The following SLC8A1 variants were observed in gnomAD, a reference collection of about 807,000 sequenced individuals.
SLC8A1 encodes solute carrier family 8 member A1.
In SLC8A1, 18 loss-of-function variants were observed where a neutral mutation model predicts 68.3. The observed-to-expected ratio is 0.26, with a 90% CI of 0.18 to 0.39. The LOEUF (loss-of-function observed/expected upper bound fraction) is 0.39. Ranked by LOEUF, SLC8A1 falls within the 10% of genes least tolerant of loss-of-function variation. The pLI is 1.00. For missense variants in SLC8A1, 985 were observed against 1,156.7 expected (o/e 0.85, Z 2.15); for synonymous variants, 475 against 415.5 (o/e 1.14, Z -1.74).
At chr2:40,312,665 T>C (rs2073885696) in intron 2 of SLC8A1, among the ~76,000 whole-genome samples, 1 of 152,068 alleles carries the variant, frequency 6.6e-6, no homozygotes, top group Non-Finnish European at 1.5e-5. Flanking sequence ...GTCACATACA[T>C]TGGAAAATAC....
intron 1 of SLC8A1, among the ~76,000 whole-genome samples, chr2:40,436,056 C>T (rs372420307): frequency 2.6e-5 from 4 of 152,032 alleles, no homozygotes; most frequent in South Asian, 4.2e-4. Context: ...AGGCATGAAC[C>T]ACCACGTCTG....
chr2:40,340,502 A>T (rs961908717), intron 2 of SLC8A1, among the ~76,000 whole-genome samples: 1 of 152,164 alleles, frequency 6.6e-6, no homozygotes, highest in African/African-American at 2.4e-5. Flanking sequence ...TGGAGCTTGC[A>T]GTGAGCTGAG....
chr2:40,508,018 G>T (rs1421977689), intron 1 of SLC8A1, among the ~76,000 whole-genome samples: 2 of 152,056 alleles, frequency 1.3e-5, no homozygotes, highest in Non-Finnish European at 2.9e-5. Flanking sequence ...TGTTAGAATT[G>T]TGTTTCTTTG....
intron 2 of SLC8A1, among the ~76,000 whole-genome samples, chr2:40,325,804 A>T (rs994755631): frequency 4.9e-4 from 69 of 140,818 alleles, no homozygotes; most frequent in African/African-American, 1.7e-3. Flanking sequence ...AAAAAAAAAA[A>T]GTAGCTGAGC....
chr2:40,461,991 T>TA (rs1703366048), intron 1 of SLC8A1, among the ~76,000 whole-genome samples: 1 of 144,826 alleles, frequency 6.9e-6, no homozygotes, highest in East Asian at 2.2e-4. Flanking sequence ...CATTTTAAAG[T>TA]AAAATCCTCC....
chr2:40,489,416 G>A (rs1311439717), intron 1 of SLC8A1, among the ~76,000 whole-genome samples: 1 of 152,018 alleles, frequency 6.6e-6, no homozygotes, highest in Non-Finnish European at 1.5e-5. Context: ...ACAAAGCAGG[G>A]TGCAAGGCAG....
intron 4 of SLC8A1, among the ~76,000 whole-genome samples, chr2:40,171,311 C>T (rs998768129): frequency 3.9e-5 from 6 of 152,158 alleles, no homozygotes; most frequent in African/African-American, 1.4e-4. Context: ...CTTATTAAGT[C>T]TATTATGTGC....
intron 1 of SLC8A1, among the ~76,000 whole-genome samples, chr2:40,490,208 AG>A (rs1315631064): frequency 1.3e-5 from 2 of 152,308 alleles, no homozygotes; most frequent in East Asian, 3.9e-4. Context: ...TTATAAGGGC[AG>A]ATACAATGTA....
rs137906593 is a variant in SLC8A1, at chr2:40,362,824, T to C, written c.1808+65649A>G. Among the ~76,000 whole-genome samples, 356 of 152,312 alleles carry C rather than the reference T, an allele frequency of 2.3e-3. 1 individual carries two copies. The highest frequency in any genetic ancestry group is 8.2e-3 in the African/African-American group (343 of 41,588). On this transcript the variant is annotated intron_variant, in intron 2 of 7. Transcript: ENST00000406785. ...ACATCTTTTTGTACAAGTTAAATTC[T>C]GTGTTCTCATAATTATAAACTGAAC...
chr2:40,378,551 G>C (rs916670051), intron 2 of SLC8A1, among the ~76,000 whole-genome samples: 7 of 152,086 alleles, frequency 4.6e-5, no homozygotes, highest in Admixed American at 6.6e-5. Flanking sequence ...TTGAGCAGAG[G>C]AGTGTCTGGG....
exon 8 of SLC8A1, chr2:40,110,957 G>A (rs190034037): frequency 5.3e-4 from 80 of 152,222 alleles, no homozygotes; most frequent in African/African-American, 1.8e-3. Flanking sequence ...TAGGATCAGG[G>A]ACCTTTTGCT....
intron 2 of SLC8A1, among the ~76,000 whole-genome samples, chr2:40,214,974 T>C (rs2057227304): frequency 6.6e-6 from 1 of 152,184 alleles, no homozygotes; most frequent in African/African-American, 2.4e-5. Context: ...GTGGACTAGT[T>C]TGGGATGGTC....
At chr2:40,379,868 A>G (rs1382231813) in intron 2 of SLC8A1, among the ~76,000 whole-genome samples, 9 of 152,112 alleles carry the variant, frequency 5.9e-5, no homozygotes, top group Admixed American at 5.9e-4. Flanking sequence ...AATGTAAAAC[A>G]TATACTCACA....
At chr2:40,342,318 C>G (rs1054005370) in intron 2 of SLC8A1, among the ~76,000 whole-genome samples, 1 of 152,088 alleles carries the variant, frequency 6.6e-6, no homozygotes, top group East Asian at 1.9e-4. Flanking sequence ...TACTGGATCT[C>G]TAATTAATAA....
intron 1 of SLC8A1, among the ~76,000 whole-genome samples, chr2:40,508,718 A>C (rs1021054273): frequency 1.3e-5 from 2 of 152,192 alleles, no homozygotes; most frequent in African/African-American, 4.8e-5. Flanking sequence ...AAAACTTCCA[A>C]AGAAATTATC....
chr2:40,207,405 T>C (rs2055661789), intron 2 of SLC8A1, among the ~76,000 whole-genome samples: 1 of 152,042 alleles, frequency 6.6e-6, no homozygotes, highest in South Asian at 2.1e-4. Flanking sequence ...ATATATTGGA[T>C]GGTCTTATCT....
At chr2:40,291,695 A>G (rs896732017) in intron 2 of SLC8A1, among the ~76,000 whole-genome samples, 3 of 152,164 alleles carry the variant, frequency 2.0e-5, no homozygotes, top group African/African-American at 7.2e-5. Context: ...ACATGATCTC[A>G]AATATTTAAA....
intron 6 of SLC8A1, among the ~76,000 whole-genome samples, chr2:40,153,826 T>C (rs2043911415): frequency 6.6e-6 from 1 of 152,208 alleles, no homozygotes; most frequent in African/African-American, 2.4e-5. Flanking sequence ...TAACTGATCC[T>C]GCCTACTTTC....
chr2:40,321,763 G>A (rs2075220954), intron 2 of SLC8A1, among the ~76,000 whole-genome samples: 1 of 152,008 alleles, frequency 6.6e-6, no homozygotes, highest in Non-Finnish European at 1.5e-5. Context: ...CTCCCACTGA[G>A]TCCCTCCCAT....
Sources: gnomAD v4.1 joint callset for allele counts (sites outside exome capture counted in the v4.1 genomes callset) on GRCh38, gnomAD v4.1.1 for gene constraint, MANE v1.5 for transcripts, NCBI Gene and HGNC (gene_info 2026-07-23, HGNC 2026-07-21) for gene names.